CEMIP2: variants seen among roughly 807,000 people sequenced by gnomAD.
The protein encoded by CEMIP2 is cell migration inducing hyaluronidase 2.
In CEMIP2, 79 loss-of-function variants were observed where a neutral mutation model predicts 146.9. That is an observed-to-expected ratio of 0.54 (90% CI 0.45 to 0.65). The LOEUF is 0.65. Among genes scored for constraint, CEMIP2 ranks in the 30% least tolerant of loss-of-function variants. The pLI is 0.00. For missense variants in CEMIP2, 1,596 were observed against 1,696.2 expected, an observed-to-expected ratio of 0.94 and a Z score of 1.04; for synonymous variants, 601 against 606.3, an observed-to-expected ratio of 0.99 and a Z score of 0.13.
At chr9:71,694,465 T>TA (rs1289429687) in intron 21 of CEMIP2, 44 bp downstream of exon 21, 9 of 1,496,168 alleles carry the variant, frequency 6.0e-6, no homozygotes, top group Non-Finnish European at 8.4e-6. Context: ...GGCATTTTGT[T>TA]ATACCACCTA....
intron 22 of CEMIP2, 106 bp from the exon 23 acceptor site, chr9:71,685,952 A>C: frequency 1.3e-6 from 1 of 778,934 alleles, no homozygotes; most frequent in East Asian, 2.6e-5. Flanking sequence ...ATATTAGATA[A>C]AAGCAGAACT....
chr9:71,712,145 T>C lies in CEMIP2; in HGVS notation c.2707A>G (p.Met903Val), dbSNP rs567040815. 2 of 1,614,048 alleles carry C rather than the reference T, an allele frequency of 1.2e-6. No individual in the cohort carries two copies. The highest frequency in any genetic ancestry group is 2.7e-5 in the African/African-American group (2 of 74,938). ...GGGGTTATCTGCCAGGAATTCTTCA[T>C]GAGGAAGCCAATTGCACTGCTGTAC... The part of the protein sequence containing the change: ...DRYSSAIGFL[M>V]KNSWQITPRN... Residue 903 changes from methionine to valine, a missense_variant, in exon 16 of 24, where the codon ATG becomes GTG. Met to Val is a conservative substitution (Grantham distance 21). Coordinates refer to ENST00000377044, the MANE Select transcript of CEMIP2 (RefSeq NM_013390.3).
intron 11 of CEMIP2, among the ~76,000 whole-genome samples, chr9:71,724,964 G>A (rs573983165): frequency 1.3e-5 from 2 of 152,126 alleles, no homozygotes; most frequent in African/African-American, 2.4e-5. Context: ...GAGAGGATGA[G>A]GACACATGAA....
intron 1 of CEMIP2, among the ~76,000 whole-genome samples, chr9:71,751,352 C>T (rs1824247696): frequency 6.6e-6 from 1 of 152,230 alleles, no homozygotes; most frequent in African/African-American, 2.4e-5. Flanking sequence ...ACCTTCATTA[C>T]TTGTGTTCTA....
In CEMIP2 at chr9:71,716,632, T is replaced by C; in HGVS notation, c.2400-80A>G. The stretch of plus-strand genomic sequence containing the variant: ...AGGTAATTCTCTCAATATTTAATTA[T>C]CATGAAATCCAAAAGGTCCCAATAT... On this transcript the variant is annotated intron_variant, in intron 13 of 23. Transcript: ENST00000377044. 3 of 1,256,498 alleles carry C rather than the reference T, an allele frequency of 2.4e-6. No individual in the cohort carries two copies. The South Asian group carries it at 4.2e-5, about 18-fold the overall frequency. 77.8% of individuals were successfully genotyped at this position (1,256,498 alleles called of 1,614,324 possible).
At chr9:71,741,258 G>A (rs1215944732) in intron 4 of CEMIP2, among the ~76,000 whole-genome samples, 1 of 133,764 alleles carries the variant, frequency 7.5e-6, no homozygotes, top group East Asian at 2.4e-4. Flanking sequence ...GTACAATGGC[G>A]CAATCTCGGC....
intron 21 of CEMIP2, among the ~76,000 whole-genome samples, chr9:71,690,586 A>G (rs975414373): frequency 1.3e-5 from 2 of 152,212 alleles, no homozygotes; most frequent in Admixed American, 6.5e-5. Context: ...TCAAAGCTTT[A>G]TAAGTCAATG....
chr9:71,685,391 TC>T lies in CEMIP2; in HGVS notation c.3957del (p.Ser1320ValfsTer57), dbSNP rs761512615. 1 of 1,033,398 alleles carries T rather than the reference TC, an allele frequency of 9.7e-7. No individual in the cohort carries two copies. The highest frequency in any genetic ancestry group is 1.2e-6 in the Non-Finnish European group (1 of 815,832). The allele number at this position is 1,033,398 out of a possible 1,614,324, so 64.0% of individuals were successfully genotyped here. ...LAKPAHLYDKGSTIFLGFSGN... is the reference protein window; with the variant it reads ...LAKPAHLYDKXSTIFLGFSGN... The stretch of plus-strand genomic sequence containing the variant: ...CCACTGAATCCCAAAAATATGGTAC[TC>T]CCTAAAAAAAAAAAAAAAAAAGAAA... On this transcript the variant is annotated frameshift_variant and splice_region_variant, in exon 24 of 24. Transcript: ENST00000377044. LOFTEE classifies it high-confidence loss of function.
At chr9:71,742,257 A>G (rs906781820) in intron 4 of CEMIP2, among the ~76,000 whole-genome samples, 3 of 152,224 alleles carry the variant, frequency 2.0e-5, no homozygotes, top group Admixed American at 2.0e-4. Flanking sequence ...GTTTTATACC[A>G]CTTGATAAAG....
chr9:71,760,490 GCTGT>G (rs1183116340), intron 1 of CEMIP2, among the ~76,000 whole-genome samples: 1 of 144,772 alleles, frequency 6.9e-6, no homozygotes, highest in Non-Finnish European at 1.6e-5. Flanking sequence ...AAAGGAGGCA[GCTGT>G]CTAATTTTTC....
chr9:71,705,416 T>G (rs1464398092), intron 17 of CEMIP2, among the ~76,000 whole-genome samples: 1 of 152,026 alleles, frequency 6.6e-6, no homozygotes, highest in East Asian at 1.9e-4. Flanking sequence ...AACAAAGCCA[T>G]CCCCAAATGT....
chr9:71,759,298 C>G (rs1276612659), intron 1 of CEMIP2, among the ~76,000 whole-genome samples: 1 of 151,184 alleles, frequency 6.6e-6, no homozygotes, highest in Non-Finnish European at 1.5e-5. Flanking sequence ...AGATTATCTC[C>G]TTCCTTAAAG....
intron 14 of CEMIP2, among the ~76,000 whole-genome samples, chr9:71,715,416 T>A (rs1823021348): frequency 2.0e-5 from 3 of 151,190 alleles, no homozygotes; most frequent in Admixed American, 6.6e-5. Flanking sequence ...GATAATTTTT[T>A]AAAATTTTTG....
intron 16 of CEMIP2, 79 bp downstream of exon 16, chr9:71,712,004 T>G: frequency 1.3e-6 from 2 of 1,487,024 alleles, no homozygotes; most frequent in Non-Finnish European, 1.8e-6. Context: ...GCAAATCCTT[T>G]GCGTTTTTGT....
intron 19 of CEMIP2, 75 bp downstream of exon 19, chr9:71,700,567 G>A (rs576729719): frequency 1.2e-5 from 17 of 1,450,388 alleles, no homozygotes; most frequent in South Asian, 2.7e-5. Context: ...AAACAGCCGC[G>A]ATGCTGAAGA....
intron 2 of CEMIP2, among the ~76,000 whole-genome samples, chr9:71,746,596 C>CAAA (rs5898226): frequency 0.13 from 9,679 of 74,026 alleles, 869 homozygotes; most frequent in Non-Finnish European, 0.15. Context: ...CAAACTTCAC[C>CAAA]AAAAAAAAAA....
chr9:71,705,281 T>C (rs1391574984), intron 17 of CEMIP2, among the ~76,000 whole-genome samples: 4 of 152,054 alleles, frequency 2.6e-5, no homozygotes, highest in African/African-American at 7.2e-5. Flanking sequence ...CAAAGCCATT[T>C]TTCACCCATT....
chr9:71,730,802 T>G lies in CEMIP2; in HGVS notation c.1676A>C (p.Tyr559Ser). 1 of 1,614,220 alleles carries G rather than the reference T, an allele frequency of 6.2e-7. No individual in the cohort carries two copies. Among genetic ancestry groups the G allele is most frequent in the Admixed American group, 1.7e-5 (1 of 60,028 alleles). The change falls in exon 8 of 24, where the codon TAT becomes TCT. Residue 559 changes from tyrosine to serine, a missense_variant. Coordinates refer to ENST00000377044, the MANE Select transcript of CEMIP2 (RefSeq NM_013390.3). Reference sequence around the variant, plus strand: ...TGTTGCATGTCTGTATCCTCCTTTATAATCCACGTCACCACACAGGTGAAA... The same window carrying G: ...TGTTGCATGTCTGTATCCTCCTTTAGAATCCACGTCACCACACAGGTGAAA... ...VHFHLCGDVD[Y>S]KGGYRHATFV...
At chr9:71,734,130 G>A (rs1161517984) in intron 6 of CEMIP2, among the ~76,000 whole-genome samples, 1 of 152,164 alleles carries the variant, frequency 6.6e-6, no homozygotes, top group Non-Finnish European at 1.5e-5. Flanking sequence ...TTATAGGCGG[G>A]AGCCACTGCT....
Sources: gnomAD v4.1 joint callset for allele counts (sites outside exome capture counted in the v4.1 genomes callset) on GRCh38, gnomAD v4.1.1 for gene constraint, MANE v1.5 for transcripts, NCBI Gene and HGNC (gene_info 2026-07-23, HGNC 2026-07-21) for gene names.